ZNF479: variants seen among roughly 807,000 people sequenced by gnomAD.
ZNF479 encodes zinc finger protein 479.
ZNF479 carries 15 observed loss-of-function variants against 14.7 expected under a neutral mutation model. The observed-to-expected ratio is 1.02, with a 90% CI of 0.68 to 1.57. The LOEUF is 1.57. Ranked by LOEUF, ZNF479 falls within the 40% of genes most tolerant of loss-of-function variation. The probability of loss-of-function intolerance (pLI) is 0.00; values close to 1 mark genes in which losing one functional copy is unlikely to be tolerated. For missense variants in ZNF479, 506 were observed against 615.1 expected, an observed-to-expected ratio of 0.82 and a Z score of 1.88; for synonymous variants, 145 against 211.5, an observed-to-expected ratio of 0.69 and a Z score of 2.73.
At chr7:57,135,417 T>G (rs952429761), upstream of ZNF479, among the ~76,000 whole-genome samples, 15 of 152,042 alleles carry the variant, frequency 9.9e-5, no homozygotes, top group Admixed American at 3.9e-4. Flanking sequence ...TTGTTTGTTT[T>G]TTTGTTTGTT....
chr7:57,126,539 T>G (rs1786174087), intron 2 of ZNF479, 53 bp downstream of exon 2: 1 of 1,552,526 alleles, frequency 6.4e-7, no homozygotes, highest in African/African-American at 1.4e-5. Context: ...CAAAAACATC[T>G]TAGAAAAGAG....
At chr7:57,135,590 T>C (rs1786610336), upstream of ZNF479, among the ~76,000 whole-genome samples, 1 of 152,008 alleles carries the variant, frequency 6.6e-6, no homozygotes, top group Non-Finnish European at 1.5e-5. Flanking sequence ...TTTTTGTATT[T>C]TTAGTAGAGA....
chr7:57,132,016 G>A (rs1277288435), intron 1 of ZNF479, among the ~76,000 whole-genome samples: 1 of 152,142 alleles, frequency 6.6e-6, no homozygotes, highest in Non-Finnish European at 1.5e-5. Context: ...TGGGTGAGAT[G>A]AGGCGCTGGG....
chr7:57,122,158 T>C (rs1554400755), intron 3 of ZNF479, among the ~76,000 whole-genome samples: 23 of 152,110 alleles, frequency 1.5e-4, no homozygotes, highest in Non-Finnish European at 1.5e-5. Flanking sequence ...AAGATAAAAG[T>C]GAGGTATTAT....
chr7:57,131,077 A>G (rs966151250), intron 1 of ZNF479, among the ~76,000 whole-genome samples: 2 of 152,174 alleles, frequency 1.3e-5, no homozygotes, highest in Non-Finnish European at 2.9e-5. Flanking sequence ...CAAATAAGAG[A>G]ACAACAGACA....
chr7:57,121,924 C>T (rs1239043054), intron 3 of ZNF479, among the ~76,000 whole-genome samples: 1 of 150,086 alleles, frequency 6.7e-6, no homozygotes, highest in Non-Finnish European at 1.5e-5. Flanking sequence ...AACCAGACAC[C>T]CAAATAAAAT....
chr7:57,132,056 T>C (rs1786450261), intron 1 of ZNF479, among the ~76,000 whole-genome samples: 1 of 152,068 alleles, frequency 6.6e-6, no homozygotes, highest in African/African-American at 2.4e-5. Flanking sequence ...AGGCCTCCAG[T>C]CCAGGGTAAA....
Position 57,118,135 on chromosome 7 carries a change from T to C in ZNF479, c.*1705A>G, listed in dbSNP as rs576118649. On this transcript the variant is annotated 3_prime_UTR_variant, in exon 4 of 4. Transcript: ENST00000319636. ...AGCTGGAGGTTTTGAAAAAATGTTT[T>C]TCACATTCATTACATGTTTAGACTT... 6.6e-6 allele frequency among the ~76,000 whole-genome samples: 1 copy of C among 152,382 alleles called. No homozygotes were observed. The highest frequency in any genetic ancestry group is 2.1e-4 in the South Asian group (1 of 4,832).
rs1228374960 is a variant in ZNF479, at chr7:57,118,012, G to A, written c.*1828C>T. Reference sequence around the variant, plus strand: ...TCAGTGCCTTCATTCTTTCTACTGTGACCCCTCAGATGCTTATATAGACTT... The same window carrying A: ...TCAGTGCCTTCATTCTTTCTACTGTAACCCCTCAGATGCTTATATAGACTT... On this transcript the variant is annotated 3_prime_UTR_variant, in exon 4 of 4. Transcript: ENST00000319636. 6.6e-6 allele frequency among the ~76,000 whole-genome samples: 1 copy of A among 152,198 alleles called. No individual in the cohort carries two copies. Among genetic ancestry groups the A allele is most frequent in the East Asian group, 1.9e-4 (1 of 5,190 alleles).
At position 57,119,835 on chromosome 7, in the gene ZNF479, C is replaced by T. The variant is rs782435617; in HGVS notation, c.*5G>A. 1.2e-6 allele frequency: 2 copies of T among 1,611,044 alleles called. No homozygotes were observed. The highest frequency in any genetic ancestry group is 2.2e-5 in the South Asian group (2 of 90,894). ...TTATAAGGCCTGAGGGTGGACTTTGCCATATTATTCACATTTGTAGGGTTT... is the reference window on the plus strand; with the variant it reads ...TTATAAGGCCTGAGGGTGGACTTTGTCATATTATTCACATTTGTAGGGTTT... On this transcript the variant is annotated 3_prime_UTR_variant, in exon 4 of 4. Coordinates refer to ENST00000319636, the MANE Select transcript of ZNF479 (RefSeq NM_001370129.2).
In ZNF479 at chr7:57,126,691, T is replaced by C. The variant is rs749450471; in HGVS notation, c.67A>G (p.Ile23Val). Residue 23 changes from isoleucine (I) to valine (V), a missense_variant, in exon 2 of 4, where the codon ATA becomes GTA. This residue lies in a region of ZNF479 where 420 missense variants were observed against 474.2 expected (regional missense o/e 0.89). Transcript: ENST00000319636. ...MGLLTFRDIAIEFSLEEWQCL... is the reference protein window; with the variant it reads ...MGLLTFRDIAVEFSLEEWQCL... ...TGCCATTCCTCCAGAGAGAATTCTA[T>C]AGCTATGTCTCTGAATGTCAACAGT... 50 of 1,613,938 alleles carry C rather than the reference T, an allele frequency of 3.1e-5. No homozygotes were observed. The highest frequency in any genetic ancestry group is 1.6e-4 in the Middle Eastern group (1 of 6,084).
chr7:57,128,674 T>C (rs955131250), intron 1 of ZNF479, among the ~76,000 whole-genome samples: 2 of 152,122 alleles, frequency 1.3e-5, no homozygotes, highest in Non-Finnish European at 2.9e-5. Context: ...CTATGGCATA[T>C]AGAAAACAAA....
rs782505485 is a variant in ZNF479 at position 57,120,977 on chromosome 7, G to T, written c.438C>A (p.Asn146Lys). 17 of 1,613,956 alleles carry T rather than the reference G, an allele frequency of 1.1e-5. No individual in the cohort carries two copies. The highest frequency in any genetic ancestry group is 1.4e-5 in the Non-Finnish European group (17 of 1,180,022). Reference protein sequence around the residue: ...EVHKGGYSEVNQCLSTTQNKI... With the variant: ...EVHKGGYSEVKQCLSTTQNKI... ...TGTTTTGGGTAGTTGACAAACATTG[G>T]TTAACTTCACTATAACCTCCCTTGT... Residue 146 changes from asparagine (N) to lysine (K), a missense_variant, in exon 4 of 4, where the codon AAC (asparagine) becomes AAA (lysine). Physicochemically the swap from Asn to Lys is moderately conservative, Grantham distance 94. This residue lies in a region of ZNF479 where 420 missense variants were observed against 474.2 expected (regional missense o/e 0.89). Transcript: ENST00000319636.
In ZNF479 at chr7:57,119,823, G is replaced by C. The variant is rs1554399720; in HGVS notation, c.*17C>G. On this transcript the variant is annotated 3_prime_UTR_variant, in exon 4 of 4. Coordinates refer to ENST00000319636, the MANE Select transcript of ZNF479 (RefSeq NM_001370129.2). ...TTATTTTATGTATTATAAGGCCTGA[G>C]GGTGGACTTTGCCATATTATTCACA... 1 of 1,602,882 alleles carries C rather than the reference G, an allele frequency of 6.2e-7. No individual in the cohort carries two copies. The highest frequency in any genetic ancestry group is 1.3e-5 in the African/African-American group (1 of 74,628).
intron 3 of ZNF479, among the ~76,000 whole-genome samples, chr7:57,125,078 A>AAAAG: frequency 6.6e-6 from 1 of 151,212 alleles, no homozygotes; most frequent in East Asian, 2.0e-4. Context: ...GTCTCAAAAA[A>AAAAG]AAAGAAATGG....
At chr7:57,131,582 AC>A (rs57673520) in intron 1 of ZNF479, among the ~76,000 whole-genome samples, 12,719 of 132,552 alleles carry the variant, frequency 0.096, 2,022 homozygotes, top group Non-Finnish European at 0.15. Flanking sequence ...AAACAAACAA[AC>A]AAACAAAAAA....
chr7:57,126,554 G>A (rs763081785), intron 2 of ZNF479, 38 bp downstream of exon 2: 3 of 1,573,410 alleles, frequency 1.9e-6, no homozygotes, highest in East Asian at 4.5e-5. Context: ...AAAGAGAAAA[G>A]CAATATATTA....
At chr7:57,128,236 G>A (rs1255037270) in intron 1 of ZNF479, among the ~76,000 whole-genome samples, 1 of 152,090 alleles carries the variant, frequency 6.6e-6, no homozygotes, top group African/African-American at 2.4e-5. Context: ...ATTGTGTCTG[G>A]CCTAAATTTA....
chr7:57,127,999 C>T (rs1417761233), intron 1 of ZNF479, among the ~76,000 whole-genome samples: 1 of 150,292 alleles, frequency 6.7e-6, no homozygotes, highest in Non-Finnish European at 1.5e-5. Context: ...GCAGTGGTAC[C>T]ATCTAATCTC....
Sources: gnomAD v4.1 joint callset for allele counts (sites outside exome capture counted in the v4.1 genomes callset) on GRCh38, gnomAD v4.1.1 for gene constraint, gnomAD v4.1.1 regional missense constraint, MANE v1.5 for transcripts, NCBI Gene and HGNC (gene_info 2026-07-23, HGNC 2026-07-21) for gene names.